SPOCK1: variants seen among roughly 807,000 people sequenced by gnomAD.
SPOCK1 encodes testican-1.
A neutral mutation model predicts 55.3 loss-of-function variants in SPOCK1; 23 were observed. That is an observed-to-expected ratio of 0.42 (90% CI 0.30 to 0.59). The LOEUF is 0.59. Ranked by LOEUF, SPOCK1 falls within the 20% of genes least tolerant of loss-of-function variation. The pLI is 0.22. For synonymous variants in SPOCK1, 226 were observed against 221.0 expected, an observed-to-expected ratio of 1.02 and a Z score of -0.20; for missense variants, 499 against 552.5, an observed-to-expected ratio of 0.90 and a Z score of 0.97.
At chr5:137,434,702 C>T (rs35662447) in intron 2 of SPOCK1, among the ~76,000 whole-genome samples, 158 of 151,702 alleles carry the variant, frequency 1.0e-3, no homozygotes, top group Admixed American at 1.4e-3. Flanking sequence ...TGGGTTTCAC[C>T]GTGTTACCCA....
chr5:137,109,298 G>T (rs1031439330), intron 5 of SPOCK1, among the ~76,000 whole-genome samples: 1 of 152,196 alleles, frequency 6.6e-6, no homozygotes, highest in Non-Finnish European at 1.5e-5. Flanking sequence ...GCCCCAGGTT[G>T]GGTGTTCAGC....
chr5:137,430,106 G>T (rs990319808), intron 2 of SPOCK1, among the ~76,000 whole-genome samples: 1 of 152,204 alleles, frequency 6.6e-6, no homozygotes, highest in East Asian at 1.9e-4. Context: ...TGATGAGGAT[G>T]ATAAACACAT....
chr5:137,301,228 C>T (rs896352003), intron 2 of SPOCK1, among the ~76,000 whole-genome samples: 1 of 152,222 alleles, frequency 6.6e-6, no homozygotes, highest in African/African-American at 2.4e-5. Context: ...CTCTGCTATA[C>T]TCACACCTGC....
At chr5:137,263,052 CAG>C (rs1375016258) in intron 3 of SPOCK1, among the ~76,000 whole-genome samples, 2 of 152,186 alleles carry the variant, frequency 1.3e-5, no homozygotes, top group Non-Finnish European at 2.9e-5. Context: ...TAGTAACTGA[CAG>C]AGTCAAATTC....
chr5:137,394,790 G>A (rs1668247012), intron 2 of SPOCK1, among the ~76,000 whole-genome samples: 2 of 152,222 alleles, frequency 1.3e-5, no homozygotes, highest in Non-Finnish European at 2.9e-5. Context: ...TTTTAAGATA[G>A]TCTCCAGAGC....
intron 2 of SPOCK1, among the ~76,000 whole-genome samples, chr5:137,321,353 A>G (rs1757979479): frequency 6.6e-6 from 1 of 152,194 alleles, no homozygotes; most frequent in South Asian, 2.1e-4. Flanking sequence ...GGAAATGAAC[A>G]TCCAAATCCA....
chr5:137,091,376 A>G (rs183581610), intron 5 of SPOCK1, among the ~76,000 whole-genome samples: 22 of 152,098 alleles, frequency 1.4e-4, no homozygotes, highest in Admixed American at 1.2e-3. Flanking sequence ...GCCAAATAAA[A>G]CCCTCGCTGT....
At position 136,975,383 on chromosome 5, in the gene SPOCK1, T is replaced by A. The variant is rs1003912800; in HGVS notation, c.*3271A>T. On this transcript the variant is annotated 3_prime_UTR_variant, in exon 11 of 11. Coordinates refer to ENST00000394945, the MANE Select transcript of SPOCK1 (RefSeq NM_004598.4). Reference sequence around the variant, plus strand: ...AAGCATTTACTATTAACCAAAGAGTTGTGTTCACATTCCAGATAAGTCTAC... The same window carrying A: ...AAGCATTTACTATTAACCAAAGAGTAGTGTTCACATTCCAGATAAGTCTAC... 1 of 152,664 alleles carries A rather than the reference T, an allele frequency of 6.6e-6. No individual in the cohort carries two copies. The highest frequency in any genetic ancestry group is 6.5e-5 in the Admixed American group (1 of 15,286). 9.5% of individuals were successfully genotyped at this position (152,664 alleles called of 1,614,324 possible).
intron 2 of SPOCK1, among the ~76,000 whole-genome samples, chr5:137,419,408 C>T (rs79934922): frequency 0.08 from 12,212 of 152,086 alleles, 1,238 homozygotes; most frequent in African/African-American, 0.24. Context: ...GCCATTTTCA[C>T]GATATTGATT....
intron 3 of SPOCK1, among the ~76,000 whole-genome samples, chr5:137,176,427 G>C (rs1019857555): frequency 2.0e-5 from 3 of 151,982 alleles, no homozygotes; most frequent in Admixed American, 1.3e-4. Context: ...TGCTAAAATA[G>C]ACTTGAGATG....
At chr5:137,125,354 A>G (rs1374202255) in intron 4 of SPOCK1, among the ~76,000 whole-genome samples, 1 of 152,208 alleles carries the variant, frequency 6.6e-6, no homozygotes, top group Non-Finnish European at 1.5e-5. Context: ...CAAGCAGTGG[A>G]GTGTTCATTC....
At chr5:137,065,305 G>C (rs1580732472) in intron 6 of SPOCK1, among the ~76,000 whole-genome samples, 1 of 151,610 alleles carries the variant, frequency 6.6e-6, no homozygotes, top group East Asian at 1.9e-4. Flanking sequence ...CCTGCATTAG[G>C]ATACTGTTGG....
At chr5:137,207,823 T>C (rs1755546030) in intron 3 of SPOCK1, among the ~76,000 whole-genome samples, 1 of 152,204 alleles carries the variant, frequency 6.6e-6, no homozygotes, top group South Asian at 2.1e-4. Context: ...GTTCCTGTGA[T>C]TTACTATTGC....
At chr5:137,016,286 C>T (rs1184707364) in intron 6 of SPOCK1, among the ~76,000 whole-genome samples, 4 of 152,216 alleles carry the variant, frequency 2.6e-5, no homozygotes, top group Non-Finnish European at 5.9e-5. Context: ...ATTCCCACCT[C>T]ACACATTGTC....
chr5:137,444,070 C>A (rs1753072252), intron 2 of SPOCK1, among the ~76,000 whole-genome samples: 1 of 152,182 alleles, frequency 6.6e-6, no homozygotes, highest in African/African-American at 2.4e-5. Context: ...AAGAGCGAGC[C>A]TCAGCCAGGC....
intron 2 of SPOCK1, among the ~76,000 whole-genome samples, chr5:137,402,481 C>T (rs1277569874): frequency 6.6e-6 from 1 of 152,180 alleles, no homozygotes; most frequent in African/African-American, 2.4e-5. Flanking sequence ...TTGGCTGAGG[C>T]AATAGTTGGC....
intron 9 of SPOCK1, 118 bp from the exon 10 acceptor site, chr5:136,979,587 C>A: frequency 7.5e-7 from 1 of 1,338,328 alleles, no homozygotes; most frequent in South Asian, 1.4e-5. Context: ...GGGTCAGCAG[C>A]AGAGGATGGG....
chr5:137,357,672 C>T (rs1001709801), intron 2 of SPOCK1, among the ~76,000 whole-genome samples: 5 of 152,158 alleles, frequency 3.3e-5, no homozygotes, highest in Admixed American at 6.5e-5. Context: ...CATGATGCAA[C>T]CCAGCTTGTA....
intron 3 of SPOCK1, among the ~76,000 whole-genome samples, chr5:137,176,638 C>A (rs1240986479): frequency 1.3e-5 from 2 of 152,098 alleles, no homozygotes; most frequent in Non-Finnish European, 2.9e-5. Context: ...CTGTTAAGTC[C>A]TCAGAAAGAT....
Sources: allele counts gnomAD v4.1 joint callset (sites outside exome capture counted in the v4.1 genomes callset), GRCh38; gene constraint gnomAD v4.1.1; transcripts MANE v1.5; gene names NCBI Gene and HGNC (gene_info 2026-07-23, HGNC 2026-07-21).